Variants in MTM1 observed in about 807,000 individuals in gnomAD.
The protein encoded by MTM1 is myotubularin.
Under a neutral mutation model 52.1 loss-of-function variants are expected in MTM1, and 9 were observed. The observed-to-expected ratio is 0.17, with a 90% confidence interval of 0.10 to 0.30. The LOEUF is 0.30. Ranked by LOEUF, MTM1 falls within the 10% of genes least tolerant of loss-of-function variation. The pLI, the probability that MTM1 is intolerant of heterozygous loss-of-function variation, is 1.00. For missense variants in MTM1, 277 were observed against 470.7 expected (o/e 0.59, Z 3.81); for synonymous variants, 136 against 163.8 (o/e 0.83, Z 1.29).
At chrX:150,659,582 T>C in intron 11 of MTM1, 82 bp from the exon 12 acceptor site, 1 of 812,676 alleles carries the variant, frequency 1.2e-6, no homozygotes, top group Non-Finnish European at 1.9e-6. Context: ...ATTGCTGAAT[T>C]GTATTGTCAC....
chrX:150,670,736 A>G (rs782562989), intron 14 of MTM1, among the ~76,000 whole-genome samples: 1 of 111,119 alleles, frequency 9.0e-6, no homozygotes, highest in Admixed American at 9.6e-5. Flanking sequence ...CAGCAGTTCC[A>G]CCCCTAGGAA....
chrX:150,626,716 T>A (rs1330140888), intron 6 of MTM1, among the ~76,000 whole-genome samples: 1 of 111,653 alleles, frequency 9.0e-6, no homozygotes, highest in Non-Finnish European at 1.9e-5. Flanking sequence ...CTGGGCTGAT[T>A]ATGGAATTAA....
At chrX:150,609,912 A>T (rs2039244131) in intron 4 of MTM1, among the ~76,000 whole-genome samples, 1 of 111,725 alleles carries the variant, frequency 9.0e-6, no homozygotes, top group South Asian at 3.7e-4. Flanking sequence ...CCAGTTAATC[A>T]TGGCATTCCT....
chrX:150,590,952 G>A (rs1248520072), intron 1 of MTM1: 1 of 569,614 alleles, frequency 1.8e-6, no homozygotes, highest in Non-Finnish European at 2.1e-6. Flanking sequence ...AAATTTCAGA[G>A]CAGATACATC....
chrX:150,659,062 C>T (rs1026789176), intron 11 of MTM1, among the ~76,000 whole-genome samples: 1 of 111,344 alleles, frequency 9.0e-6, no homozygotes, highest in African/African-American at 3.3e-5. Context: ...ACCATGTTAG[C>T]CAGGCTGGTC....
intron 5 of MTM1, among the ~76,000 whole-genome samples, chrX:150,616,739 C>T (rs910454936): frequency 1.8e-5 from 2 of 112,009 alleles, no homozygotes. Context: ...CCTTCCCCAC[C>T]TCACTCCCAT....
At chrX:150,613,445 A>AT (rs1225249571) in intron 4 of MTM1, among the ~76,000 whole-genome samples, 5 of 111,242 alleles carry the variant, frequency 4.5e-5, no homozygotes, top group Admixed American at 9.6e-5. Context: ...GTTGAGTATA[A>AT]TTTTTTCTAC....
At chrX:150,570,460 A>T (rs2038350555) in intron 1 of MTM1, among the ~76,000 whole-genome samples, 1 of 111,671 alleles carries the variant, frequency 9.0e-6, no homozygotes, top group South Asian at 3.8e-4. Context: ...CATTTCTCCA[A>T]TGAGTGTCTT....
chrX:150,627,430 C>A (rs1171584893), intron 6 of MTM1, among the ~76,000 whole-genome samples: 2 of 111,662 alleles, frequency 1.8e-5, no homozygotes, highest in Non-Finnish European at 3.8e-5. Context: ...TCTTCTACTT[C>A]GGCTGTGCCT....
At chrX:150,638,180 T>C (rs1247586763) in intron 6 of MTM1, among the ~76,000 whole-genome samples, 1 of 111,052 alleles carries the variant, frequency 9.0e-6, no homozygotes, top group African/African-American at 3.3e-5. Context: ...CAGGACTGGG[T>C]AGGGGGAGCC....
chrX:150,585,485 A>G (rs921376647), intron 1 of MTM1, among the ~76,000 whole-genome samples: 5 of 112,575 alleles, frequency 4.4e-5, no homozygotes, highest in Non-Finnish European at 3.7e-5. Context: ...ATACGTTTCT[A>G]TTCTTCAACA....
intron 13 of MTM1, among the ~76,000 whole-genome samples, chrX:150,660,754 G>T (rs999944663): frequency 5.4e-5 from 6 of 111,647 alleles, no homozygotes; most frequent in Non-Finnish European, 1.1e-4. Flanking sequence ...GAGAGCCTCA[G>T]GCTGCTTCCA....
intron 8 of MTM1, among the ~76,000 whole-genome samples, chrX:150,642,356 T>G (rs1237366897): frequency 1.8e-5 from 2 of 112,250 alleles, no homozygotes; most frequent in African/African-American, 6.5e-5. Context: ...ATTAGTGATG[T>G]TAACTGTGAT....
Position 150,645,817 on chromosome X carries a change from T to C in MTM1, c.813T>C (p.Ile271=), listed in dbSNP as rs1224173755. The C allele has an allele frequency of 2.2e-5, 27 of 1,209,310 alleles. No individual in the cohort carries two copies. Among genetic ancestry groups the C allele is most frequent in the Non-Finnish European group, 2.8e-5 (25 of 894,795 alleles). Residue 271 remains isoleucine, a synonymous_variant, in exon 9 of 15, where the codon ATT becomes ATC. Coordinates refer to ENST00000370396, the MANE Select transcript of MTM1 (RefSeq NM_000252.3). The stretch of plus-strand genomic sequence containing the variant: ...TTATCAGGGAGACTAATAAACAAAT[T>C]TCTAAACTCACCATTTATGATGCAA... ...LDVIRETNKQ[I]SKLTIYDARP...
chrX:150,626,555 GC>G (rs2039573261), intron 6 of MTM1, among the ~76,000 whole-genome samples: 1 of 111,273 alleles, frequency 9.0e-6, no homozygotes, highest in African/African-American at 3.3e-5. Context: ...TGATCCGCCC[GC>G]CTCAGCCTCC....
At chrX:150,640,949 G>A (rs1457561481) in intron 7 of MTM1, among the ~76,000 whole-genome samples, 1 of 111,494 alleles carries the variant, frequency 9.0e-6, no homozygotes, top group African/African-American at 3.3e-5. Context: ...GGCGGGGGAT[G>A]AACTTGGGTT....
Position 150,671,766 on chromosome X carries a change from C to T in MTM1, c.*171C>T, listed in dbSNP as rs1296988455. 1.3e-5 allele frequency: 7 copies of T among 534,205 alleles called. No individual in the cohort carries two copies. Among genetic ancestry groups the T allele is most frequent in the Non-Finnish European group, 2.1e-5 (7 of 334,533 alleles). The allele number at this position is 534,205 out of a possible 1,213,427, so 44.0% of individuals were successfully genotyped here. ...TAGAATACATATTACAAGAAAACTACAGGGTCCACACGGCAATCAGAAGAA... is the reference window on the plus strand; with the variant it reads ...TAGAATACATATTACAAGAAAACTATAGGGTCCACACGGCAATCAGAAGAA... On this transcript the variant is annotated 3_prime_UTR_variant, in exon 15 of 15. Transcript: ENST00000370396.
At chrX:150,606,823 CTCTTCCCTT>C (rs1443970812) in intron 4 of MTM1, among the ~76,000 whole-genome samples, 10 of 102,452 alleles carry the variant, frequency 9.8e-5, no homozygotes, top group African/African-American at 3.6e-4. Flanking sequence ...TCCCTTCCCT[CTCTTCCCTT>C]TCTTCCCTTC....
intron 1 of MTM1, among the ~76,000 whole-genome samples, chrX:150,588,820 C>T (rs1557412368): frequency 8.9e-6 from 1 of 111,851 alleles, no homozygotes. Context: ...CTGCCCAGAA[C>T]CACCCTGCCT....
Sources: gnomAD v4.1 joint callset for allele counts (sites outside exome capture counted in the v4.1 genomes callset) on GRCh38, gnomAD v4.1.1 for gene constraint, MANE v1.5 for transcripts, NCBI Gene and HGNC (gene_info 2026-07-23, HGNC 2026-07-21) for gene names.